Variants in NOC3L observed in about 807,000 individuals in gnomAD.
NOC3L encodes nucleolar complex protein 3 homolog.
A neutral mutation model predicts 102.5 loss-of-function variants in NOC3L; 85 were observed. The ratio of observed to expected loss-of-function variants is 0.83; its 90% CI spans 0.70 to 0.99. The LOEUF (loss-of-function observed/expected upper bound fraction) is 0.99, where lower values mean the gene tolerates loss of function less well. Ranked by LOEUF, NOC3L falls within the 50% of genes least tolerant of loss-of-function variation. The pLI is 0.00. For missense variants in NOC3L, 878 were observed against 914.9 expected (o/e 0.96, Z 0.52); for synonymous variants, 303 against 309.4 (o/e 0.98, Z 0.22).
At chr10:94,339,644 T>C in intron 17 of NOC3L, 95 bp downstream of exon 17, 5 of 981,494 alleles carry the variant, frequency 5.1e-6, no homozygotes, top group Non-Finnish European at 7.4e-6. Context: ...CTTCTGTAAT[T>C]GAAATAATAT....
chr10:94,323,473 T>C, the NOC3L span, among the ~76,000 whole-genome samples: 2 of 152,222 alleles, frequency 1.3e-5, no homozygotes, highest in African/African-American at 4.8e-5. Flanking sequence ...ATTTCTTTTG[T>C]GTAAATGCCC....
chr10:94,358,421 T>C (rs772062936), intron 2 of NOC3L, among the ~76,000 whole-genome samples: 1 of 152,228 alleles, frequency 6.6e-6, no homozygotes, highest in Non-Finnish European at 1.5e-5. Flanking sequence ...ACTACTGATA[T>C]GCTAGGCAAA....
At chr10:94,316,420 G>A in the NOC3L span, 1 of 678,758 alleles carries the variant, frequency 1.5e-6, no homozygotes, top group Admixed American at 2.2e-5. Flanking sequence ...CTTCCAAAAA[G>A]AATTATGCAA....
intron 4 of NOC3L, 44 bp from the exon 5 acceptor site, chr10:94,356,635 G>T: frequency 8.5e-7 from 1 of 1,179,768 alleles, no homozygotes. Context: ...ATATACTTAA[G>T]TGGTAAAAAC....
the NOC3L span, among the ~76,000 whole-genome samples, chr10:94,315,718 C>T: frequency 2.0e-5 from 3 of 147,946 alleles, no homozygotes; most frequent in Non-Finnish European, 4.4e-5. Flanking sequence ...TGCAGTGAGC[C>T]GAGATCACGC....
At chr10:94,337,946 AT>A (rs1589564530) in intron 18 of NOC3L, 72 bp from the exon 19 acceptor site, 2 of 1,137,270 alleles carry the variant, frequency 1.8e-6, no homozygotes, top group East Asian at 4.7e-5. Context: ...CACAGCAAAG[AT>A]TTTCTTAAAT....
At chr10:94,321,922 G>A in the NOC3L span, 134 of 1,613,594 alleles carry the variant, frequency 8.3e-5, 3 homozygotes, top group South Asian at 1.4e-3. Flanking sequence ...GAAAAACATT[G>A]TTCAAGATGA....
At chr10:94,321,192 C>T in the NOC3L span, among the ~76,000 whole-genome samples, 1,435 of 152,312 alleles carry the variant, frequency 9.4e-3, 66 homozygotes, top group Admixed American at 0.084. Flanking sequence ...TTTCAGATGT[C>T]TAGCATTTCT....
chr10:94,321,630 A>G, the NOC3L span, among the ~76,000 whole-genome samples: 5 of 79,688 alleles, frequency 6.3e-5, no homozygotes, highest in Non-Finnish European at 8.5e-5. Context: ...TCCATCTCAG[A>G]AAAAAAAAAA....
chr10:94,348,437 A>G (rs1490128378), intron 10 of NOC3L, among the ~76,000 whole-genome samples: 1 of 152,004 alleles, frequency 6.6e-6, no homozygotes, highest in Non-Finnish European at 1.5e-5. Flanking sequence ...AAGCTCCACA[A>G]ACAGATAGTT....
intron 5 of NOC3L, 47 bp downstream of exon 5, chr10:94,356,488 C>T: frequency 8.4e-7 from 1 of 1,191,878 alleles, no homozygotes; most frequent in Non-Finnish European, 1.2e-6. Context: ...TACTATTATG[C>T]AAAAAAATTC....
chr10:94,323,417 G>A, the NOC3L span, among the ~76,000 whole-genome samples: 1 of 152,206 alleles, frequency 6.6e-6, no homozygotes, highest in African/African-American at 2.4e-5. Context: ...ATAGTAGTGT[G>A]CTGGTAAACC....
chr10:94,331,869 CTTTTTTTT>C (rs36054579), downstream of NOC3L: 2 of 119,096 alleles, frequency 1.7e-5, no homozygotes, highest in African/African-American at 3.2e-5. Context: ...CCAAGTTATT[CTTTTTTTT>C]TTTTTTTTTT....
chr10:94,349,190 A>T (rs2054384379), intron 10 of NOC3L, 60 bp downstream of exon 10: 2 of 1,544,652 alleles, frequency 1.3e-6, no homozygotes, highest in Non-Finnish European at 1.7e-6. Context: ...TCCTCATAAC[A>T]ACTGAAAATC....
intron 17 of NOC3L, 131 bp downstream of exon 17, chr10:94,339,608 C>T (rs1464488242): frequency 1.3e-6 from 1 of 759,556 alleles, no homozygotes. Context: ...TCTTTTGTCA[C>T]CTGATTTTGT....
At chr10:94,350,468 T>C (rs1024975473) in intron 8 of NOC3L, among the ~76,000 whole-genome samples, 180 bp from the exon 9 acceptor site, 7 of 151,922 alleles carry the variant, frequency 4.6e-5, no homozygotes, top group Admixed American at 3.9e-4. Context: ...CCCAGCACTT[T>C]GGGAGGCCAA....
At chr10:94,316,830 C>G in the NOC3L span, 2 of 1,105,464 alleles carry the variant, frequency 1.8e-6, no homozygotes, top group Non-Finnish European at 1.4e-6. Flanking sequence ...CACAACCTCC[C>G]TGAAATTCAG....
intron 10 of NOC3L, among the ~76,000 whole-genome samples, chr10:94,348,482 TA>T (rs998272760): frequency 1.3e-5 from 2 of 151,916 alleles, no homozygotes; most frequent in African/African-American, 4.8e-5. Context: ...TCCCAGGACC[TA>T]AAAAAAGTGC....
chr10:94,333,455 T>C lies in NOC3L; in HGVS notation c.*722A>G, dbSNP rs1346222615. 1 of 152,130 alleles carries C rather than the reference T, an allele frequency of 6.6e-6. No homozygotes were observed. Among genetic ancestry groups the C allele is most frequent in the African/African-American group, 2.4e-5 (1 of 41,410 alleles). 9.4% of individuals were successfully genotyped at this position (152,130 alleles called of 1,614,324 possible). On this transcript the variant is annotated 3_prime_UTR_variant, in exon 21 of 21. Coordinates refer to ENST00000371361, the MANE Select transcript of NOC3L (RefSeq NM_022451.11). Reference sequence around the variant, plus strand: ...TTGTCTCTAGATCAGAATGGTAAAGTCTTGGGCCTGGTTCTTCTACCCTGG... The same window carrying C: ...TTGTCTCTAGATCAGAATGGTAAAGCCTTGGGCCTGGTTCTTCTACCCTGG...
Sources: gnomAD v4.1 joint callset for allele counts (sites outside exome capture counted in the v4.1 genomes callset) on GRCh38, gnomAD v4.1.1 for gene constraint, MANE v1.5 for transcripts, NCBI Gene and HGNC (gene_info 2026-07-23, HGNC 2026-07-21) for gene names.